Variants in PHLDB2 observed in about 807,000 individuals in gnomAD.
PHLDB2 encodes the protein pleckstrin homology-like domain family B member 2.
Under a neutral mutation model 123.6 loss-of-function variants are expected in PHLDB2, and 71 were observed. That is an observed-to-expected ratio of 0.57 (90% CI 0.47 to 0.70). The LOEUF (loss-of-function observed/expected upper bound fraction) is 0.70, where lower values mean the gene tolerates loss of function less well. Ranked by LOEUF, PHLDB2 falls within the 30% of genes least tolerant of loss-of-function variation. The pLI is 0.00. For synonymous variants in PHLDB2, 547 were observed against 541.6 expected, an observed-to-expected ratio of 1.01 and a Z score of -0.14; for missense variants, 1,446 against 1,519.5, an observed-to-expected ratio of 0.95 and a Z score of 0.80.
rs1052386006 is a variant in PHLDB2, at chr3:111,975,568, T to C, written c.*1005T>C. 1 of 152,304 alleles carries C rather than the reference T, an allele frequency of 6.6e-6. No homozygotes were observed. The highest frequency in any genetic ancestry group is 2.4e-5 in the African/African-American group (1 of 41,468). The allele number at this position is 152,304 out of a possible 1,614,324, so 9.4% of individuals were successfully genotyped here. ...AAGAACAGACCAATTAACATACTTA[T>C]TTGCAGAAGTGGTGTAGTTCTATAA... On this transcript the variant is annotated 3_prime_UTR_variant, in exon 18 of 18. Coordinates refer to ENST00000431670, the MANE Select transcript of PHLDB2 (RefSeq NM_001134438.2).
chr3:111,902,783 C>T (rs376412655), intron 2 of PHLDB2, among the ~76,000 whole-genome samples: 4 of 152,158 alleles, frequency 2.6e-5, no homozygotes, highest in South Asian at 4.2e-4. Context: ...GGACTACAGG[C>T]GTGAGCCACC....
chr3:111,921,499 G>A (rs1024139389), intron 5 of PHLDB2, among the ~76,000 whole-genome samples: 16 of 151,750 alleles, frequency 1.1e-4, no homozygotes, highest in African/African-American at 3.9e-4. Context: ...CAGAAATAAA[G>A]TCAAATTAAA....
rs776695261 is a variant in PHLDB2 at position 111,913,380 on chromosome 3, G to A, written c.1397G>A (p.Arg466His). 24 of 1,613,688 alleles carry A rather than the reference G, an allele frequency of 1.5e-5. No individual in the cohort carries two copies. The East Asian group carries it at 2.7e-4, about 18-fold the overall frequency. ...GCTGAATACACAAAGCCTGACAGTCGCTTATCTACTGGGACCACCGTGGAA... is the reference window on the plus strand; with the variant it reads ...GCTGAATACACAAAGCCTGACAGTCACTTATCTACTGGGACCACCGTGGAA... ...LCAEYTKPDS[R>H]LSTGTTVEDV... The change falls in exon 3 of 18, where the codon CGC (arginine) becomes CAC (histidine). Residue 466 changes from arginine to histidine, a missense_variant. By Grantham distance (29) the Arg-to-His change is conservative. Around this residue, in one of 3 missense-constraint regions of PHLDB2, gnomAD observed 832 missense variants for 831.9 expected, o/e 1.00. Transcript: ENST00000431670.
rs1460136919 is a variant in PHLDB2 at position 111,760,644 on chromosome 3, G to A, written c.-49+27941G>A. Among the ~76,000 whole-genome samples, 5 of 151,964 alleles carry A rather than the reference G, an allele frequency of 3.3e-5. 1 individual carries two copies. In the South Asian group the frequency reaches 6.2e-4, roughly 19 times the overall value. Reference sequence around the variant, plus strand: ...GGGAGTGAACTAGAAGGCAGAAAACGTGTTCTGTTTTCTTGCTTCTGCGAT... The same window carrying A: ...GGGAGTGAACTAGAAGGCAGAAAACATGTTCTGTTTTCTTGCTTCTGCGAT... On this transcript the variant is annotated intron_variant, in intron 1 of 17. Coordinates refer to the PHLDB2 transcript ENST00000393923.
intron 12 of PHLDB2, among the ~76,000 whole-genome samples, chr3:111,956,486 A>G (rs1446702503): frequency 6.6e-6 from 1 of 152,178 alleles, no homozygotes; most frequent in Non-Finnish European, 1.5e-5. Context: ...ATTTATCTTT[A>G]GTGCTCTTGT....
intron 1 of PHLDB2, among the ~76,000 whole-genome samples, chr3:111,782,398 A>G (rs912245677): frequency 3.9e-5 from 6 of 152,170 alleles, no homozygotes; most frequent in Non-Finnish European, 7.4e-5. Context: ...AAAAGGAGAG[A>G]TGCTCTGGCC....
chr3:111,834,589 A>G (rs1053051420), intron 1 of PHLDB2, among the ~76,000 whole-genome samples: 1 of 151,828 alleles, frequency 6.6e-6, no homozygotes, highest in Non-Finnish European at 1.5e-5. Context: ...GGATGCAGTA[A>G]ATATCTCTGA....
chr3:111,884,478 G>T lies in PHLDB2; in HGVS notation c.401G>T (p.Arg134Leu). ...GRADFDHYTG[R>L]DSERALRLSE... ...GCAGACTTTGATCATTATACTGGCC[G>T]GGACAGTGAAAGGGCCTTGAGGCTC... is the stretch of plus-strand genomic sequence containing the variant. Residue 134 changes from arginine (R) to leucine (L), a missense_variant, in exon 2 of 18, where the codon CGG (arginine) becomes CTG (leucine). Coordinates refer to ENST00000431670, the MANE Select transcript of PHLDB2 (RefSeq NM_001134438.2). 2 of 1,614,072 alleles carry T rather than the reference G, an allele frequency of 1.2e-6. No individual in the cohort carries two copies. The highest frequency in any genetic ancestry group is 1.7e-5 in the Admixed American group (1 of 60,018).
chr3:111,757,946 G>A (rs1357777102), intron 1 of PHLDB2, among the ~76,000 whole-genome samples: 1 of 152,192 alleles, frequency 6.6e-6, no homozygotes, highest in African/African-American at 2.4e-5. Context: ...GCTGCTGTCT[G>A]ATCGTTCCTC....
chr3:111,872,111 G>C (rs962791778), intron 1 of PHLDB2, among the ~76,000 whole-genome samples: 3 of 152,202 alleles, frequency 2.0e-5, no homozygotes, highest in Non-Finnish European at 2.9e-5. Flanking sequence ...CTTCTTTCCT[G>C]TTTAGACTTC....
At chr3:111,849,167 TC>T (rs2064139915) in intron 2 of PHLDB2, among the ~76,000 whole-genome samples, 1 of 152,134 alleles carries the variant, frequency 6.6e-6, no homozygotes, top group African/African-American at 2.4e-5. Flanking sequence ...GGAGTTTGTT[TC>T]TTTTTTGTTT....
rs554249536 is a variant in PHLDB2, at chr3:111,805,519, C to G, written c.-48-40302C>G. The stretch of plus-strand genomic sequence containing the variant: ...GAGCTTGCAGTGAGCCGAGATTGCG[C>G]CGCTGCACTCCAGCCTGGGCGACAG... On this transcript the variant is annotated intron_variant, in intron 1 of 17. Transcript: ENST00000393923. 2.4e-3 allele frequency among the ~76,000 whole-genome samples: 364 copies of G among 149,932 alleles called. 4 individuals carry two copies. Among genetic ancestry groups the G allele is most frequent in the Non-Finnish European group, 4.4e-3 (298 of 67,992 alleles).
At chr3:111,794,061 G>A (rs1409613563) in intron 1 of PHLDB2, among the ~76,000 whole-genome samples, 3 of 151,984 alleles carry the variant, frequency 2.0e-5, no homozygotes, top group Non-Finnish European at 4.4e-5. Flanking sequence ...GGCAAGTACA[G>A]CACTGGGACT....
At chr3:111,742,505 C>G (rs531539472) in intron 1 of PHLDB2, among the ~76,000 whole-genome samples, 19 of 152,216 alleles carry the variant, frequency 1.2e-4, no homozygotes, top group Admixed American at 3.3e-4. Context: ...GTTCCCCTTC[C>G]TGTGTCCAAG....
chr3:111,900,303 C>T (rs1307083811), intron 2 of PHLDB2, among the ~76,000 whole-genome samples: 1 of 152,214 alleles, frequency 6.6e-6, no homozygotes, highest in Admixed American at 6.5e-5. Context: ...CTAATTGGTA[C>T]AAGAGAGCTC....
chr3:111,822,905 A>G (rs1434728154), intron 1 of PHLDB2, among the ~76,000 whole-genome samples: 1 of 152,220 alleles, frequency 6.6e-6, no homozygotes, highest in Non-Finnish European at 1.5e-5. Flanking sequence ...AAATATGCAC[A>G]TAATTATAAC....
At chr3:111,796,062 T>C (rs2061147040) in intron 1 of PHLDB2, among the ~76,000 whole-genome samples, 1 of 151,978 alleles carries the variant, frequency 6.6e-6, no homozygotes, top group African/African-American at 2.4e-5. Context: ...ACGCCCGGGC[T>C]AATTTTGTGT....
intron 1 of PHLDB2, among the ~76,000 whole-genome samples, chr3:111,881,076 A>C (rs2065905923): frequency 1.3e-5 from 2 of 152,198 alleles, no homozygotes; most frequent in Non-Finnish European, 2.9e-5. Context: ...CCCACTTAAA[A>C]TGTGCATTTT....
At chr3:111,879,496 G>A (rs2065829621) in intron 1 of PHLDB2, among the ~76,000 whole-genome samples, 1 of 152,150 alleles carries the variant, frequency 6.6e-6, no homozygotes, top group Non-Finnish European at 1.5e-5. Flanking sequence ...AGGCTGAGGA[G>A]GAGGAAGAGG....
Sources: gnomAD v4.1 joint callset for allele counts (sites outside exome capture counted in the v4.1 genomes callset) on GRCh38, gnomAD v4.1.1 for gene constraint, gnomAD v4.1.1 regional missense constraint, MANE v1.5 for transcripts, NCBI Gene and HGNC (gene_info 2026-07-23, HGNC 2026-07-21) for gene names.